Variants in CCDC144A observed in about 807,000 individuals in gnomAD.
The protein encoded by CCDC144A is coiled-coil domain-containing protein 144A.
CCDC144A carries 41 observed loss-of-function variants against 143.8 expected under a neutral mutation model. That is an observed-to-expected ratio of 0.29 (90% CI 0.22 to 0.37). CCDC144A has a LOEUF of 0.37. Ranked by LOEUF, CCDC144A falls within the 10% of genes least tolerant of loss-of-function variation. CCDC144A has a pLI of 1.00. For synonymous variants in CCDC144A, 242 were observed against 517.9 expected (o/e 0.47, Z 7.23); for missense variants, 637 against 1,488.8 (o/e 0.43, Z 9.41).
chr17:16,740,348 A>G (rs1000658473), intron 12 of CCDC144A, among the ~76,000 whole-genome samples: 2 of 152,184 alleles, frequency 1.3e-5, no homozygotes, highest in African/African-American at 4.8e-5. Flanking sequence ...TTTTGCTTAA[A>G]TAGAGATGCA....
At chr17:16,716,963 A>G (rs1597552141) in intron 6 of CCDC144A, among the ~76,000 whole-genome samples, 1 of 147,174 alleles carries the variant, frequency 6.8e-6, no homozygotes, top group Non-Finnish European at 1.5e-5. Context: ...ACAGGCACCC[A>G]CCACCGCACA....
chr17:16,724,262 G>A (rs868563243), intron 8 of CCDC144A, among the ~76,000 whole-genome samples: 4 of 152,082 alleles, frequency 2.6e-5, no homozygotes, highest in East Asian at 3.9e-4. Context: ...TGCAGGCCGG[G>A]TGCAGTGGCT....
chr17:16,675,214 A>G, the CCDC144A span, among the ~76,000 whole-genome samples: 1 of 151,600 alleles, frequency 6.6e-6, no homozygotes, highest in Non-Finnish European at 1.5e-5. Context: ...GGTTGCAGTA[A>G]GCCGAGATGG....
At chr17:16,724,864 G>A (rs1244686018) in intron 8 of CCDC144A, among the ~76,000 whole-genome samples, 32 of 112,092 alleles carry the variant, frequency 2.9e-4, no homozygotes, top group East Asian at 5.1e-4. Flanking sequence ...TGTTAGCCAG[G>A]ATGGTCTCAA....
At chr17:16,731,253 T>C (rs1020966528) in intron 9 of CCDC144A, 1 of 153,930 alleles carries the variant, frequency 6.5e-6, no homozygotes, top group Non-Finnish European at 1.4e-5. Context: ...GTAACAGTTA[T>C]AGACAGCTTA....
Position 16,734,734 on chromosome 17 carries a change from T to C in CCDC144A, c.2463T>C (p.Asp821=), listed in dbSNP as rs1294767448. The change falls in exon 12 of 17, where the codon GAT becomes GAC. Residue 821 remains aspartate, a synonymous_variant. Transcript: ENST00000399273. The stretch of plus-strand genomic sequence containing the variant: ...AAGAAAAGGATCTCTTTCATGAAGA[T>C]TGCATGTTGCAGGAAGAAATTGCCT... ...HQKEKDLFHE[D]CMLQEEIALL... is the part of the protein sequence containing the mutation. The C allele has an allele frequency of 5.6e-6, 9 of 1,593,546 alleles. No individual in the cohort carries two copies. Among genetic ancestry groups the C allele is most frequent in the Admixed American group, 3.6e-5 (2 of 55,228 alleles).
intron 2 of CCDC144A, among the ~76,000 whole-genome samples, chr17:16,698,868 T>C (rs968559643): frequency 6.6e-6 from 1 of 152,204 alleles, no homozygotes; most frequent in Admixed American, 6.5e-5. Context: ...GAAACTAATA[T>C]AATGTCCTGG....
the CCDC144A span, among the ~76,000 whole-genome samples, chr17:16,668,689 T>C: frequency 6.6e-6 from 1 of 152,266 alleles, no homozygotes; most frequent in African/African-American, 2.4e-5. Flanking sequence ...TGTCATTATA[T>C]AGTATTTACA....
At chr17:16,678,675 G>T in the CCDC144A span, among the ~76,000 whole-genome samples, 1 of 149,364 alleles carries the variant, frequency 6.7e-6, no homozygotes, top group African/African-American at 2.5e-5. Flanking sequence ...TGACCTCCTG[G>T]GCTGTGGCAA....
At chr17:16,744,761 T>G (rs1805474386) in intron 12 of CCDC144A, among the ~76,000 whole-genome samples, 1 of 152,046 alleles carries the variant, frequency 6.6e-6, no homozygotes, top group Non-Finnish European at 1.5e-5. Context: ...AATTTTTACT[T>G]AATAAATGGT....
Position 16,762,602 on chromosome 17 carries a change from T to C in CCDC144A, c.3887+69T>C. 5 of 1,399,498 alleles carry C rather than the reference T, an allele frequency of 3.6e-6. No individual in the cohort carries two copies. The South Asian group carries it at 5.5e-5, about 15-fold the overall frequency. The allele number at this position is 1,399,498 out of a possible 1,614,324, so 86.7% of individuals were successfully genotyped here. On this transcript the variant is annotated intron_variant, in intron 14 of 16. Coordinates refer to ENST00000399273, the MANE Select transcript of CCDC144A (RefSeq NM_001382000.1). The stretch of plus-strand genomic sequence containing the variant: ...AATTTGCCTTCAAAAGCATGACTTT[T>C]AGTGAGACAGGTTCATGAGATTTGT...
chr17:16,764,127 A>G lies in CCDC144A; in HGVS notation c.4050A>G (p.Pro1350=). 6.2e-7 allele frequency: 1 copy of G among 1,610,862 alleles called. No individual in the cohort carries two copies. The highest frequency in any genetic ancestry group is 8.5e-7 in the Non-Finnish European group (1 of 1,178,524). Residue 1350 remains proline (P), a synonymous_variant, in exon 15 of 17, where the codon CCA becomes CCG. Transcript: ENST00000399273. ...AAGGTCTCAACAGAAAACATATTCC[A>G]AGAAAAAAGAGGTCTGCTCTTAAGG... ...DSEGLNRKHI[P]RKKRSALKDM...
chr17:16,743,949 T>A (rs1277431446), intron 12 of CCDC144A, among the ~76,000 whole-genome samples: 1 of 152,244 alleles, frequency 6.6e-6, no homozygotes, highest in African/African-American at 2.4e-5. Context: ...GGTTTTCTGT[T>A]TCTGCATCAG....
chr17:16,749,403 ATCT>A (rs1485182071), intron 12 of CCDC144A, among the ~76,000 whole-genome samples: 6 of 152,126 alleles, frequency 3.9e-5, no homozygotes, highest in Admixed American at 6.5e-5. Flanking sequence ...GTTTTCAGAG[ATCT>A]TCTTGGTATT....
intron 16 of CCDC144A, 57 bp from the exon 17 acceptor site, chr17:16,773,440 C>G: frequency 6.6e-7 from 1 of 1,511,104 alleles, no homozygotes; most frequent in Non-Finnish European, 8.9e-7. Flanking sequence ...AGAGTGAGAC[C>G]CTATCTTAAA....
At chr17:16,711,127 G>T (rs1912382770) in intron 5 of CCDC144A, among the ~76,000 whole-genome samples, 1 of 38,198 alleles carries the variant, frequency 2.6e-5, no homozygotes, top group Non-Finnish European at 4.4e-5. Flanking sequence ...GATATCCCAG[G>T]ATTCAAATGA....
At chr17:16,730,811 T>A (rs181869189) in intron 9 of CCDC144A, among the ~76,000 whole-genome samples, 2 of 142,570 alleles carry the variant, frequency 1.4e-5, no homozygotes, top group East Asian at 4.1e-4. Flanking sequence ...ATTCTTGATG[T>A]TTACTAGTGC....
chr17:16,722,362 T>A (rs1202723656), intron 8 of CCDC144A, among the ~76,000 whole-genome samples: 4 of 152,090 alleles, frequency 2.6e-5, no homozygotes, highest in Non-Finnish European at 5.9e-5. Flanking sequence ...TAAAAGACTA[T>A]TTTTTAGAGT....
chr17:16,770,095 A>G (rs1597599097), intron 15 of CCDC144A, among the ~76,000 whole-genome samples: 1 of 150,404 alleles, frequency 6.6e-6, no homozygotes, highest in Non-Finnish European at 1.5e-5. Flanking sequence ...CAAAGTGCTG[A>G]GATTACAGGC....
Sources: allele counts gnomAD v4.1 joint callset (sites outside exome capture counted in the v4.1 genomes callset), GRCh38; gene constraint gnomAD v4.1.1; transcripts MANE v1.5; gene names NCBI Gene and HGNC (gene_info 2026-07-23, HGNC 2026-07-21).